The following WDPCP variants were observed in gnomAD, a reference collection of about 807,000 sequenced individuals.
WDPCP encodes the protein WD repeat-containing and planar cell polarity effector protein fritz homolog.
A neutral mutation model predicts 93.1 loss-of-function variants in WDPCP; 71 were observed. The ratio of observed to expected loss-of-function variants is 0.76; its 90% confidence interval spans 0.63 to 0.93. The LOEUF (loss-of-function observed/expected upper bound fraction) is 0.93, where lower values mean the gene tolerates loss of function less well. WDPCP is among the 40% of genes least tolerant of loss of function. The pLI is 0.00. For synonymous variants in WDPCP, 315 were observed against 315.0 expected (o/e 1.00, Z 0.00); for missense variants, 844 against 887.4 (o/e 0.95, Z 0.62).
At chr2:63,407,370 T>C (rs965954106) in intron 9 of WDPCP, among the ~76,000 whole-genome samples, 1 of 152,184 alleles carries the variant, frequency 6.6e-6, no homozygotes, top group African/African-American at 2.4e-5. Context: ...TGATAGCTTG[T>C]AGGCCACTAG....
At chr2:63,134,733 TA>T in intron 17 of WDPCP, among the ~76,000 whole-genome samples, 1 of 152,374 alleles carries the variant, frequency 6.6e-6, no homozygotes, top group African/African-American at 2.4e-5. Context: ...AGTATGTATT[TA>T]AAAAATTATG....
chr2:63,749,116 G>T (rs767123863), intron 2 of WDPCP, among the ~76,000 whole-genome samples: 1 of 152,060 alleles, frequency 6.6e-6, no homozygotes, highest in Non-Finnish European at 1.5e-5. Context: ...AAAGGGATGG[G>T]TTTATTTCCA....
intron 6 of WDPCP, chr2:63,443,151 C>G (rs919826231): frequency 2.6e-4 from 39 of 152,080 alleles, no homozygotes; most frequent in African/African-American, 8.9e-4. Flanking sequence ...ATCATATGAG[C>G]CAGGCACTGT....
At position 63,821,711 on chromosome 2, in the gene WDPCP, T is replaced by G. The variant is rs571841167; in HGVS notation, n.222+5911A>C. ...TCTATTGCTGTTTCCAATGTTTGACTCAATATTAGTCTCAAATTCTATTTT... is the reference window on the plus strand; with the variant it reads ...TCTATTGCTGTTTCCAATGTTTGACGCAATATTAGTCTCAAATTCTATTTT... On this transcript the variant is annotated intron_variant and non_coding_transcript_variant, in intron 1 of 4. Coordinates refer to the WDPCP transcript ENST00000467687. Among the ~76,000 whole-genome samples, 6 of 152,292 alleles carry G rather than the reference T, an allele frequency of 3.9e-5. No homozygotes were observed. The South Asian group carries it at 1.2e-3, about 32-fold the overall frequency.
At position 63,240,705 on chromosome 2, in the gene WDPCP, C is replaced by T. The variant is rs556341829; in HGVS notation, c.1915+18602G>A. ...TATTTTCTTATAGAAAATGTGAATA[C>T]GGGTTATTCTGCCCCAGATTGGCAT... On this transcript the variant is annotated intron_variant, in intron 14 of 17. Coordinates refer to ENST00000272321, the MANE Select transcript of WDPCP (RefSeq NM_015910.7). 5.3e-5 allele frequency among the ~76,000 whole-genome samples: 8 copies of T among 152,182 alleles called. No homozygotes were observed. In the East Asian group the frequency reaches 9.7e-4, roughly 18 times the overall value.
chr2:63,442,866 T>C (rs1697592100), intron 6 of WDPCP: 1 of 152,178 alleles, frequency 6.6e-6, no homozygotes, highest in Non-Finnish European at 1.5e-5. Context: ...AAAAACCCAC[T>C]TTTATGAGAT....
intron 1 of WDPCP, among the ~76,000 whole-genome samples, chr2:63,525,271 G>A (rs941221206): frequency 2.4e-4 from 37 of 151,982 alleles, no homozygotes; most frequent in Admixed American, 6.6e-5. Flanking sequence ...GGAGGGTGAG[G>A]ACAGAAAACC....
chr2:63,434,311 C>T (rs1696985956), intron 8 of WDPCP, among the ~76,000 whole-genome samples: 1 of 152,118 alleles, frequency 6.6e-6, no homozygotes, highest in Non-Finnish European at 1.5e-5. Context: ...AAGAGAGTCT[C>T]ACTACTGTTT....
intron 10 of WDPCP, among the ~76,000 whole-genome samples, chr2:63,386,691 G>C (rs1236616582): frequency 6.6e-6 from 1 of 151,980 alleles, no homozygotes; most frequent in Non-Finnish European, 1.5e-5. Flanking sequence ...TTTTTGACAA[G>C]AGAAATGAAA....
chr2:63,775,779 A>T (rs1056914700), intron 2 of WDPCP, among the ~76,000 whole-genome samples: 1 of 152,238 alleles, frequency 6.6e-6, no homozygotes, highest in African/African-American at 2.4e-5. Flanking sequence ...TGTTTTATGC[A>T]GTATTCCCAA....
At chr2:63,406,179 C>A (rs1456069500) in intron 9 of WDPCP, among the ~76,000 whole-genome samples, 1 of 152,102 alleles carries the variant, frequency 6.6e-6, no homozygotes, top group East Asian at 1.9e-4. Flanking sequence ...AAAAATCCAT[C>A]CTACACCTTA....
chr2:63,398,355 T>A (rs950039218), intron 10 of WDPCP, among the ~76,000 whole-genome samples: 1 of 152,220 alleles, frequency 6.6e-6, no homozygotes, highest in Non-Finnish European at 1.5e-5. Context: ...AAATATGTTA[T>A]AATTATTGCC....
intron 14 of WDPCP, among the ~76,000 whole-genome samples, chr2:63,213,934 T>A (rs1159837412): frequency 6.6e-6 from 1 of 152,112 alleles, no homozygotes; most frequent in Non-Finnish European, 1.5e-5. Context: ...GGAAGTTGAA[T>A]CCCTGAATAG....
intron 12 of WDPCP, chr2:63,360,007 G>C (rs1352383185): frequency 2.0e-5 from 3 of 152,234 alleles, no homozygotes; most frequent in Non-Finnish European, 4.4e-5. Flanking sequence ...TTGAACCCAG[G>C]AGATGGAGGT....
rs568444130 is a variant in WDPCP, at chr2:63,452,674, G to A, written c.385-12803C>T. On this transcript the variant is annotated intron_variant, in intron 6 of 17. Transcript: ENST00000272321. The stretch of plus-strand genomic sequence containing the variant: ...AAAAGAATAAAGCTGGAGGCATCAC[G>A]CTACCTGACTTCAAACTATACTACA... Among the ~76,000 whole-genome samples, 16 of 152,228 alleles carry A rather than the reference G, an allele frequency of 1.1e-4. No homozygotes were observed. The South Asian group carries it at 1.2e-3, about 12-fold the overall frequency.
intron 9 of WDPCP, among the ~76,000 whole-genome samples, chr2:63,414,184 T>C (rs1695231423): frequency 6.6e-6 from 1 of 152,142 alleles, no homozygotes. Context: ...ACAGTAGATG[T>C]TGGCATGGAT....
rs370250055 is a variant in WDPCP, at chr2:63,807,869, T to C, written n.308+5753A>G. On this transcript the variant is annotated intron_variant and non_coding_transcript_variant, in intron 2 of 4. Transcript: ENST00000467687. ...ATTTAATTCTAATTTATAGTATTTT[T>C]AAAACCAAAAATTAAATTTGAGGAA... Among the ~76,000 whole-genome samples, 45 of 152,322 alleles carry C rather than the reference T, an allele frequency of 3.0e-4. 1 individual carries two copies. In the South Asian group the frequency reaches 9.1e-3, roughly 31 times the overall value.
chr2:63,733,927 G>T (rs547583757), intron 2 of WDPCP, among the ~76,000 whole-genome samples: 14 of 151,986 alleles, frequency 9.2e-5, no homozygotes, highest in Non-Finnish European at 1.6e-4. Flanking sequence ...TCTTCCCAGC[G>T]TCTGGCAACC....
At chr2:63,451,730 A>T (rs1406374412) in intron 6 of WDPCP, among the ~76,000 whole-genome samples, 1 of 152,222 alleles carries the variant, frequency 6.6e-6, no homozygotes, top group East Asian at 1.9e-4. Context: ...GCAGCACATC[A>T]AAAACCTTAT....
Sources: allele counts gnomAD v4.1 joint callset (sites outside exome capture counted in the v4.1 genomes callset), GRCh38; gene constraint gnomAD v4.1.1; transcripts MANE v1.5; gene names NCBI Gene and HGNC (gene_info 2026-07-23, HGNC 2026-07-21).